The following COL15A1 variants were observed in gnomAD, a reference collection of about 807,000 sequenced individuals.
COL15A1 encodes the protein collagen type XV alpha 1 chain, also known as collagen alpha-1(XV) chain.
In COL15A1, 111 loss-of-function variants were observed where a neutral mutation model predicts 165.9. The ratio of observed to expected loss-of-function variants is 0.67; its 90% CI spans 0.57 to 0.78. COL15A1 has a LOEUF of 0.78. Ranked by LOEUF, COL15A1 falls within the 30% of genes least tolerant of loss-of-function variation. The pLI is 0.00. For synonymous variants in COL15A1, 659 were observed against 674.8 expected (o/e 0.98, Z 0.36); for missense variants, 1,745 against 1,789.7 (o/e 0.98, Z 0.45).
At chr9:99,040,647 C>T in intron 23 of COL15A1, 91 bp downstream of exon 23, 5 of 1,602,358 alleles carry the variant, frequency 3.1e-6, no homozygotes, top group Non-Finnish European at 4.3e-6. Context: ...TCCATCTATG[C>T]ATGACTGAGC....
At chr9:99,049,656 G>T in intron 28 of COL15A1, 34 bp from the exon 29 acceptor site, 1 of 1,611,680 alleles carries the variant, frequency 6.2e-7, no homozygotes, top group Non-Finnish European at 8.5e-7. Context: ...ACAACAACCT[G>T]AACTAATGGA....
intron 16 of COL15A1, among the ~76,000 whole-genome samples, chr9:99,027,936 A>C (rs920518720): frequency 6.6e-6 from 1 of 152,254 alleles, no homozygotes; most frequent in Non-Finnish European, 1.5e-5. Context: ...AATGTGCTAA[A>C]GGAAATGAAC....
intron 21 of COL15A1, among the ~76,000 whole-genome samples, chr9:99,037,607 G>T (rs1217083251): frequency 6.6e-6 from 1 of 152,172 alleles, no homozygotes; most frequent in East Asian, 1.9e-4. Context: ...AAGTAAGACA[G>T]AGTTCCTGTC....
chr9:99,066,414 A>T (rs1825891791), intron 39 of COL15A1, among the ~76,000 whole-genome samples: 1 of 152,100 alleles, frequency 6.6e-6, no homozygotes, highest in Non-Finnish European at 1.5e-5. Context: ...GATCAGCCCC[A>T]GGCCTATCCA....
chr9:98,959,164 G>A (rs997218806), intron 2 of COL15A1, among the ~76,000 whole-genome samples: 6 of 145,412 alleles, frequency 4.1e-5, no homozygotes, highest in Non-Finnish European at 8.9e-5. Context: ...GCCGAGGTGG[G>A]AGGATCTCTT....
intron 2 of COL15A1, among the ~76,000 whole-genome samples, chr9:98,950,838 C>T (rs939506681): frequency 1.4e-4 from 22 of 152,140 alleles, no homozygotes; most frequent in African/African-American, 4.6e-4. Flanking sequence ...CTCCTGACCT[C>T]ATGATCCACC....
chr9:99,005,367 C>T (rs577563330), intron 9 of COL15A1, among the ~76,000 whole-genome samples: 2 of 151,966 alleles, frequency 1.3e-5, no homozygotes, highest in East Asian at 1.9e-4. Flanking sequence ...TCCTGGAGGG[C>T]GATGGGGGAT....
chr9:99,048,435 TG>T (rs1374123140), intron 28 of COL15A1, among the ~76,000 whole-genome samples: 1 of 152,204 alleles, frequency 6.6e-6, no homozygotes, highest in Non-Finnish European at 1.5e-5. Context: ...TGGCAAACAC[TG>T]GGCAGCAGCA....
intron 2 of COL15A1, among the ~76,000 whole-genome samples, chr9:98,980,027 G>A (rs957785808): frequency 1.3e-5 from 2 of 152,044 alleles, no homozygotes; most frequent in Non-Finnish European, 2.9e-5. Flanking sequence ...GTGTGATGCT[G>A]CATGCCTGTA....
chr9:99,070,333 T>C lies in COL15A1; in HGVS notation c.*447T>C. The C allele has an allele frequency of 8.4e-6, 2 of 238,890 alleles. No homozygotes were observed. The highest frequency in any genetic ancestry group is 1.7e-5 in the Non-Finnish European group (2 of 118,718). The allele number at this position is 238,890 out of a possible 1,614,324, so 14.8% of individuals were successfully genotyped here. A position where few individuals can be genotyped will look rare whatever the true frequency, so the allele number is the denominator to read the frequency against. On this transcript the variant is annotated 3_prime_UTR_variant, in exon 42 of 42. Transcript: ENST00000375001. ...AGATCAAATGCTTTTTTCTTTCACG[T>C]ACATCCATCATTTGCAACTGCTGTT...
chr9:98,945,348 C>T (rs950515688), intron 2 of COL15A1, among the ~76,000 whole-genome samples: 1 of 152,168 alleles, frequency 6.6e-6, no homozygotes, highest in Admixed American at 6.5e-5. Flanking sequence ...AGTCCAAAAG[C>T]CAGGACTTGA....
At chr9:99,021,339 T>C (rs1839023864) in intron 12 of COL15A1, among the ~76,000 whole-genome samples, 1 of 131,006 alleles carries the variant, frequency 7.6e-6, no homozygotes, top group South Asian at 2.8e-4. Flanking sequence ...TCTGGCTACC[T>C]CAGTGGACTT....
chr9:99,069,319 G>A (rs1267970971), intron 41 of COL15A1, among the ~76,000 whole-genome samples: 1 of 152,186 alleles, frequency 6.6e-6, no homozygotes, highest in African/African-American at 2.4e-5. Context: ...TTTTACTTAG[G>A]GGTGAGAATC....
intron 26 of COL15A1, among the ~76,000 whole-genome samples, chr9:99,045,190 C>A (rs747552558): frequency 1.3e-5 from 2 of 152,136 alleles, no homozygotes; most frequent in Non-Finnish European, 2.9e-5. Context: ...ACGCTTGTGG[C>A]CTCAAAATGT....
chr9:99,029,791 G>C (rs542887440), intron 16 of COL15A1, among the ~76,000 whole-genome samples: 23 of 152,282 alleles, frequency 1.5e-4, no homozygotes, highest in African/African-American at 5.3e-4. Flanking sequence ...TGGGCATGGT[G>C]GTGGGCACCT....
intron 9 of COL15A1, among the ~76,000 whole-genome samples, chr9:99,007,404 C>G (rs1451408596): frequency 1.3e-5 from 2 of 152,068 alleles, no homozygotes; most frequent in East Asian, 3.9e-4. Flanking sequence ...ATTTATTTTC[C>G]TTTCACATTT....
intron 9 of COL15A1, among the ~76,000 whole-genome samples, chr9:99,008,553 A>G (rs1312299041): frequency 6.6e-6 from 1 of 152,234 alleles, no homozygotes; most frequent in Non-Finnish European, 1.5e-5. Flanking sequence ...ACTAATTACC[A>G]AATTTTTGGA....
intron 2 of COL15A1, among the ~76,000 whole-genome samples, chr9:98,959,901 C>T (rs1295275357): frequency 6.6e-6 from 1 of 152,226 alleles, no homozygotes; most frequent in Non-Finnish European, 1.5e-5. Flanking sequence ...GCCTCTTCTC[C>T]TCTCACATCC....
intron 30 of COL15A1, among the ~76,000 whole-genome samples, chr9:99,050,220 T>C (rs1839564696): frequency 6.6e-6 from 1 of 152,206 alleles, no homozygotes. Flanking sequence ...TTAGAAAACA[T>C]AGATTAGAAA....
Sources: gnomAD v4.1 joint callset for allele counts (sites outside exome capture counted in the v4.1 genomes callset) on GRCh38, gnomAD v4.1.1 for gene constraint, MANE v1.5 for transcripts, NCBI Gene and HGNC (gene_info 2026-07-23, HGNC 2026-07-21) for gene names.